The following LPAR1 variants were observed in gnomAD, a reference collection of about 807,000 sequenced individuals.
The protein encoded by LPAR1 is lysophosphatidic acid receptor 1.
Under a neutral mutation model 23.8 loss-of-function variants are expected in LPAR1, and 5 were observed. The observed-to-expected ratio is 0.21, with a 90% CI of 0.11 to 0.44. The LOEUF is 0.44. Among genes scored for constraint, LPAR1 ranks in the 20% least tolerant of loss-of-function variants. The pLI, the probability that LPAR1 is intolerant of heterozygous loss-of-function variation, is 0.99. For synonymous variants in LPAR1, 160 were observed against 164.7 expected, an observed-to-expected ratio of 0.97 and a Z score of 0.22; for missense variants, 311 against 482.8, an observed-to-expected ratio of 0.64 and a Z score of 3.33.
chr9:110,896,752 G>C (rs894215979), intron 5 of LPAR1, among the ~76,000 whole-genome samples: 14 of 151,024 alleles, frequency 9.3e-5, no homozygotes, highest in African/African-American at 2.9e-4. Flanking sequence ...TGAGTTAAGT[G>C]ACTTGTATTT....
chr9:110,950,762 G>T (rs1175205495), intron 4 of LPAR1, among the ~76,000 whole-genome samples: 1 of 151,866 alleles, frequency 6.6e-6, no homozygotes, highest in African/African-American at 2.4e-5. Context: ...AATAAATGAA[G>T]AAATAAAATA....
intron 4 of LPAR1, chr9:110,945,538 A>G (rs1053271961): frequency 3.3e-5 from 5 of 152,232 alleles, no homozygotes; most frequent in African/African-American, 1.2e-4. Flanking sequence ...GCCATTATGA[A>G]GACAAAAGAA....
intron 4 of LPAR1, among the ~76,000 whole-genome samples, chr9:110,964,330 T>C (rs1395692818): frequency 1.3e-5 from 2 of 152,184 alleles, no homozygotes; most frequent in African/African-American, 2.4e-5. Flanking sequence ...CAAGAACACA[T>C]TTTAGAAAAG....
intron 1 of LPAR1, among the ~76,000 whole-genome samples, chr9:111,036,602 G>T (rs1254204191): frequency 6.6e-6 from 1 of 152,112 alleles, no homozygotes; most frequent in African/African-American, 2.4e-5. Context: ...TCCATTTTCC[G>T]GATGGGGAGA....
At chr9:110,999,791 A>C (rs948126551) in intron 2 of LPAR1, among the ~76,000 whole-genome samples, 1 of 152,076 alleles carries the variant, frequency 6.6e-6, no homozygotes, top group Non-Finnish European at 1.5e-5. Context: ...TATAGACTTA[A>C]ACTCCTAGGC....
intron 5 of LPAR1, among the ~76,000 whole-genome samples, chr9:110,933,880 C>T (rs949655370): frequency 5.3e-5 from 8 of 152,110 alleles, no homozygotes; most frequent in Admixed American, 6.5e-5. Context: ...TCTGTTTAAA[C>T]GTTTCTTCTG....
intron 5 of LPAR1, among the ~76,000 whole-genome samples, chr9:110,917,300 G>C (rs2093242533): frequency 6.6e-6 from 1 of 152,106 alleles, no homozygotes; most frequent in Non-Finnish European, 1.5e-5. Flanking sequence ...AGTGAGCCAA[G>C]ATTGTGCCAT....
At chr9:110,916,055 G>A (rs1301443821) in intron 5 of LPAR1, among the ~76,000 whole-genome samples, 1 of 152,152 alleles carries the variant, frequency 6.6e-6, no homozygotes, top group Admixed American at 6.5e-5. Context: ...GGAAACTTGA[G>A]TATGATATCA....
rs140049165 is a variant in LPAR1, at chr9:111,025,239, A to T, written c.-182+10883T>A. Among the ~76,000 whole-genome samples the T allele has an allele frequency of 1.1e-3, 168 of 152,310 alleles. 2 individuals are homozygous for T. Among genetic ancestry groups the T allele is most frequent in the African/African-American group, 3.7e-3 (154 of 41,572 alleles). The stretch of plus-strand genomic sequence containing the variant: ...GATTCCTGACTTTTTAATGATTGCC[A>T]TTCTAACTGGTGTGAGATGGTAGCT... On this transcript the variant is annotated intron_variant, in intron 2 of 5. Coordinates refer to ENST00000683809, the MANE Select transcript of LPAR1 (RefSeq NM_001351411.2).
In LPAR1 at chr9:111,016,714, GA is replaced by G. The variant is rs2097454788; in HGVS notation, c.-182+19407del. ...TCTTATCAAAAATATCCTTTTGCAT[GA>G]AGTAATATTCATAGGAAACATCCTG... On this transcript the variant is annotated intron_variant, in intron 2 of 5. Coordinates refer to ENST00000683809, the MANE Select transcript of LPAR1 (RefSeq NM_001351411.2). 3.3e-5 allele frequency among the ~76,000 whole-genome samples: 5 copies of G among 152,336 alleles called. No individual in the cohort carries two copies. The South Asian group carries it at 1.0e-3, about 32-fold the overall frequency.
chr9:110,967,891 C>T (rs895028436), intron 4 of LPAR1, among the ~76,000 whole-genome samples: 1 of 152,206 alleles, frequency 6.6e-6, no homozygotes, highest in Non-Finnish European at 1.5e-5. Context: ...TGGTCTGCAT[C>T]TCTCCAGAAG....
chr9:110,983,471 G>A (rs1343905915), intron 2 of LPAR1, among the ~76,000 whole-genome samples: 1 of 152,022 alleles, frequency 6.6e-6, no homozygotes, highest in Non-Finnish European at 1.5e-5. Context: ...ACAAAGTACA[G>A]TAGTACTTGC....
intron 2 of LPAR1, among the ~76,000 whole-genome samples, chr9:111,000,634 G>A (rs943049083): frequency 4.6e-5 from 7 of 152,172 alleles, no homozygotes; most frequent in Admixed American, 1.3e-4. Context: ...CTGAAACCAG[G>A]CAGGAACCTG....
At chr9:110,934,465 T>C (rs974649692) in intron 5 of LPAR1, 2 of 152,184 alleles carry the variant, frequency 1.3e-5, no homozygotes, top group African/African-American at 4.8e-5. Flanking sequence ...ACAGATTTCT[T>C]TGTTCTTTCT....
At chr9:111,031,100 A>T (rs1280934748) in intron 2 of LPAR1, among the ~76,000 whole-genome samples, 1 of 152,070 alleles carries the variant, frequency 6.6e-6, no homozygotes, top group African/African-American at 2.4e-5. Flanking sequence ...TTTACTTTAG[A>T]CACATCTATA....
intron 5 of LPAR1, among the ~76,000 whole-genome samples, chr9:110,926,013 C>T (rs1050007761): frequency 2.0e-5 from 3 of 152,250 alleles, no homozygotes; most frequent in East Asian, 1.9e-4. Context: ...CTCTGCCTCC[C>T]GGGTTCGCGC....
At chr9:111,022,788 A>C (rs1031210176) in intron 2 of LPAR1, among the ~76,000 whole-genome samples, 6 of 152,150 alleles carry the variant, frequency 3.9e-5, no homozygotes, top group South Asian at 4.2e-4. Flanking sequence ...CGGTGGCTCA[A>C]GTCTGTAATC....
At chr9:110,962,454 G>A (rs889944167) in intron 4 of LPAR1, among the ~76,000 whole-genome samples, 5 of 152,096 alleles carry the variant, frequency 3.3e-5, no homozygotes, top group Non-Finnish European at 5.9e-5. Flanking sequence ...GCTTGGTGGT[G>A]GAAACTCATC....
At chr9:110,880,164 C>T (rs1433680622) in intron 5 of LPAR1, among the ~76,000 whole-genome samples, 1 of 152,130 alleles carries the variant, frequency 6.6e-6, no homozygotes, top group Non-Finnish European at 1.5e-5. Flanking sequence ...AAAACAGATC[C>T]GTGGGTTGTT....
Sources: allele counts gnomAD v4.1 joint callset (sites outside exome capture counted in the v4.1 genomes callset), GRCh38; gene constraint gnomAD v4.1.1; transcripts MANE v1.5; gene names NCBI Gene and HGNC (gene_info 2026-07-23, HGNC 2026-07-21).